The following RNF38 variants were observed in gnomAD, a reference collection of about 807,000 sequenced individuals.
The protein encoded by RNF38 is E3 ubiquitin-protein ligase RNF38.
A neutral mutation model predicts 67.2 loss-of-function variants in RNF38; 15 were observed. The ratio of observed to expected loss-of-function variants is 0.22; its 90% CI spans 0.15 to 0.34. RNF38 has a LOEUF of 0.34. Among genes scored for constraint, RNF38 ranks in the 10% least tolerant of loss-of-function variants. RNF38 has a pLI of 1.00. For synonymous variants in RNF38, 220 were observed against 218.8 expected, an observed-to-expected ratio of 1.01 and a Z score of -0.05; for missense variants, 524 against 639.9, an observed-to-expected ratio of 0.82 and a Z score of 1.95.
intron 1 of RNF38, among the ~76,000 whole-genome samples, chr9:36,475,731 A>G (rs1840105265): frequency 6.7e-6 from 1 of 150,310 alleles, no homozygotes; most frequent in African/African-American, 2.4e-5. Context: ...AAAGAAATAT[A>G]AACTAGCCGG....
At chr9:36,408,611 G>A (rs7024993) in intron 2 of RNF38, among the ~76,000 whole-genome samples, 4,848 of 152,172 alleles carry the variant, frequency 0.032, 243 homozygotes, top group African/African-American at 0.1. Flanking sequence ...TAGGAGCTGG[G>A]CCTAAACTTG....
chr9:36,375,784 T>C, intron 3 of RNF38, 150 bp downstream of exon 3: 1 of 663,944 alleles, frequency 1.5e-6, no homozygotes, highest in Non-Finnish European at 2.5e-6. Flanking sequence ...ACTGGAAATC[T>C]AGGCAACTTT....
chr9:36,349,378 A>C (rs1833529012), intron 9 of RNF38, among the ~76,000 whole-genome samples: 1 of 152,198 alleles, frequency 6.6e-6, no homozygotes, highest in Non-Finnish European at 1.5e-5. Flanking sequence ...CCCTGATTGC[A>C]ATGTTGAGCA....
At chr9:36,430,766 A>G (rs1200858038) in intron 1 of RNF38, among the ~76,000 whole-genome samples, 2 of 152,056 alleles carry the variant, frequency 1.3e-5, no homozygotes, top group South Asian at 4.2e-4. Context: ...TTTCCAGAGC[A>G]TCTCCTTATT....
At chr9:36,420,728 G>A (rs1002954891) in intron 2 of RNF38, among the ~76,000 whole-genome samples, 24 of 151,940 alleles carry the variant, frequency 1.6e-4, no homozygotes, top group African/African-American at 5.3e-4. Flanking sequence ...CTAGAACATT[G>A]CTCTGTATGT....
chr9:36,401,328 C>G (rs113998839), upstream of RNF38: 1,205 of 530,272 alleles, frequency 2.3e-3, 20 homozygotes, highest in African/African-American at 0.024. Flanking sequence ...GCCCTGCGGA[C>G]CGCAGGGCCC....
At chr9:36,393,485 G>T (rs576625179) in intron 1 of RNF38, among the ~76,000 whole-genome samples, 2 of 133,370 alleles carry the variant, frequency 1.5e-5, no homozygotes, top group Non-Finnish European at 3.2e-5. Flanking sequence ...CATTGTGTGT[G>T]TGTGTGTGTG....
At chr9:36,424,531 A>C in intron 2 of RNF38, 5 of 449,990 alleles carry the variant, frequency 1.1e-5, no homozygotes, top group Non-Finnish European at 1.2e-5. Flanking sequence ...TTCTTGCCCT[A>C]GGCCCAGAGT....
intron 2 of RNF38, among the ~76,000 whole-genome samples, chr9:36,378,951 A>G (rs1835997257): frequency 6.7e-6 from 1 of 149,338 alleles, no homozygotes; most frequent in Non-Finnish European, 1.5e-5. Flanking sequence ...CCCAGGCTGG[A>G]GTGCAGTGGC....
rs543756524 is a variant in RNF38 at position 36,358,070 on chromosome 9, T to C, written c.571-128A>G. On this transcript the variant is annotated intron_variant, in intron 4 of 11. Coordinates refer to ENST00000259605, the MANE Select transcript of RNF38 (RefSeq NM_022781.5). ...CGGATTTTCACAATGTACTCTCCAA[T>C]AGTTTCGACCAGAATATTCATTGTC... 1.3e-4 allele frequency: 88 copies of C among 675,676 alleles called. 1 individual carries two copies. In the East Asian group the frequency reaches 1.6e-3, roughly 12 times the overall value. The allele number at this position is 675,676 out of a possible 1,614,324, so 41.9% of individuals were successfully genotyped here.
intron 1 of RNF38, among the ~76,000 whole-genome samples, chr9:36,445,771 A>G (rs1839287109): frequency 6.6e-6 from 1 of 152,236 alleles, no homozygotes; most frequent in Admixed American, 6.5e-5. Flanking sequence ...TTGCCAGCTG[A>G]TATCAAGGAG....
At chr9:36,433,307 C>T (rs1838976855) in intron 1 of RNF38, among the ~76,000 whole-genome samples, 1 of 151,576 alleles carries the variant, frequency 6.6e-6, no homozygotes, top group South Asian at 2.1e-4. Flanking sequence ...AGGATAAATG[C>T]TTGAGGTGAT....
intron 9 of RNF38, among the ~76,000 whole-genome samples, chr9:36,346,226 G>C (rs1833229328): frequency 6.6e-6 from 1 of 151,732 alleles, no homozygotes; most frequent in Non-Finnish European, 1.5e-5. Context: ...TTTTTTTTGA[G>C]TCAGAGTCTT....
chr9:36,384,059 A>G (rs1463229009), intron 2 of RNF38, among the ~76,000 whole-genome samples: 4 of 152,166 alleles, frequency 2.6e-5, no homozygotes, highest in Non-Finnish European at 5.9e-5. Flanking sequence ...TATATACTAT[A>G]TTTTTCACAG....
At chr9:36,396,339 G>T (rs1377666130) in intron 1 of RNF38, among the ~76,000 whole-genome samples, 1 of 152,088 alleles carries the variant, frequency 6.6e-6, no homozygotes, top group Non-Finnish European at 1.5e-5. Flanking sequence ...TGGTTGCCCA[G>T]TAAGTCCACC....
At chr9:36,361,937 G>A (rs1414957947) in intron 4 of RNF38, among the ~76,000 whole-genome samples, 1 of 152,180 alleles carries the variant, frequency 6.6e-6, no homozygotes, top group Admixed American at 6.5e-5. Flanking sequence ...ATGATGCACA[G>A]CACAAGCAAT....
chr9:36,355,899 T>C (rs1834065649), intron 6 of RNF38, among the ~76,000 whole-genome samples: 1 of 152,150 alleles, frequency 6.6e-6, no homozygotes, highest in Non-Finnish European at 1.5e-5. Flanking sequence ...CAGGCTGGAG[T>C]GCAGTGGCAT....
Position 36,345,000 on chromosome 9 carries a change from C to T in RNF38, c.1264-47G>A, listed in dbSNP as rs775288350. ...TATTTTCATCTATCTTTACATTTTG[C>T]ATTCCAATACTTTTTTTTTTTAAGA... On this transcript the variant is annotated intron_variant, in intron 9 of 11. Transcript: ENST00000259605. 2.5e-6 allele frequency: 4 copies of T among 1,580,542 alleles called. No individual in the cohort carries two copies. The South Asian group carries it at 4.6e-5, about 18-fold the overall frequency.
intron 2 of RNF38, 74 bp downstream of exon 2, chr9:36,390,393 T>C (rs1368647134): frequency 2.3e-6 from 3 of 1,324,914 alleles, no homozygotes; most frequent in Non-Finnish European, 3.1e-6. Context: ...GGGCATTTTG[T>C]TTCAAGCCTT....
Sources: gnomAD v4.1 joint callset for allele counts (sites outside exome capture counted in the v4.1 genomes callset) on GRCh38, gnomAD v4.1.1 for gene constraint, MANE v1.5 for transcripts, NCBI Gene and HGNC (gene_info 2026-07-23, HGNC 2026-07-21) for gene names.